The following CMIP variants were observed in gnomAD, a reference collection of about 807,000 sequenced individuals.
CMIP encodes C-Maf-inducing protein.
Under a neutral mutation model 97.3 loss-of-function variants are expected in CMIP, and 13 were observed. The ratio of observed to expected loss-of-function variants is 0.13; its 90% CI spans 0.09 to 0.21. CMIP has a LOEUF of 0.21. Among genes scored for constraint, CMIP ranks in the 10% least tolerant of loss-of-function variants. The probability of loss-of-function intolerance (pLI) is 1.00; values close to 1 mark genes in which losing one functional copy is unlikely to be tolerated. For missense variants in CMIP, 847 were observed against 1,024.9 expected, an observed-to-expected ratio of 0.83 and a Z score of 2.37; for synonymous variants, 538 against 436.3, an observed-to-expected ratio of 1.23 and a Z score of -2.91.
intron 1 of CMIP, among the ~76,000 whole-genome samples, chr16:81,551,163 T>C (rs1488704617): frequency 6.8e-6 from 1 of 146,964 alleles, no homozygotes; most frequent in Non-Finnish European, 1.5e-5. Context: ...CCCAGTTCCA[T>C]CACATATGTC....
chr16:81,671,130 C>T (rs2092680017), intron 8 of CMIP, among the ~76,000 whole-genome samples: 1 of 152,164 alleles, frequency 6.6e-6, no homozygotes, highest in Non-Finnish European at 1.5e-5. Flanking sequence ...CCCCCAGACT[C>T]TTCTCATGTT....
In CMIP at chr16:81,709,729, C is replaced by A. The variant is rs1417739996; in HGVS notation, c.2269-17C>A. On this transcript the variant is annotated splice_polypyrimidine_tract_variant and intron_variant, in intron 20 of 20. Transcript: ENST00000537098. Reference sequence around the variant, plus strand: ...GAATGGCCTACACGTGACAAGGACTCTTATTGCCACCCCCAGGCCAAGCTT... The same window carrying A: ...GAATGGCCTACACGTGACAAGGACTATTATTGCCACCCCCAGGCCAAGCTT... The A allele has an allele frequency of 6.2e-7, 1 of 1,613,668 alleles. No homozygotes were observed. The highest frequency in any genetic ancestry group is 8.5e-7 in the Non-Finnish European group (1 of 1,179,776).
chr16:81,689,422 T>G (rs1263966773), intron 10 of CMIP, among the ~76,000 whole-genome samples: 1 of 152,252 alleles, frequency 6.6e-6, no homozygotes, highest in Non-Finnish European at 1.5e-5. Context: ...TGATGAGCAT[T>G]TTTTCATGTG....
intron 3 of CMIP, among the ~76,000 whole-genome samples, chr16:81,626,158 CTG>C (rs2092057912): frequency 6.6e-6 from 1 of 152,352 alleles, no homozygotes; most frequent in Non-Finnish European, 1.5e-5. Flanking sequence ...TGTCCCTCCT[CTG>C]TGGAGAAAGG....
In CMIP at chr16:81,620,944, T is replaced by C; in HGVS notation, c.477+18T>C. 6.2e-7 allele frequency: 1 copy of C among 1,613,796 alleles called. No individual in the cohort carries two copies. Among genetic ancestry groups the C allele is most frequent in the Non-Finnish European group, 8.5e-7 (1 of 1,179,726 alleles). On this transcript the variant is annotated intron_variant, in intron 3 of 20. Transcript: ENST00000537098. ...AATGGAAGGTAAGTACTGACTCGGT[T>C]GCTTGTTTAAAGCGACTCAGGCAGT... is the stretch of plus-strand genomic sequence containing the variant.
chr16:81,450,727 A>C (rs1354560032), intron 1 of CMIP, among the ~76,000 whole-genome samples: 2 of 152,226 alleles, frequency 1.3e-5, no homozygotes, highest in Non-Finnish European at 2.9e-5. Context: ...GTTTAAGAAA[A>C]ATTCCTTGCG....
intron 1 of CMIP, among the ~76,000 whole-genome samples, chr16:81,473,287 C>A (rs1907671535): frequency 6.6e-6 from 1 of 152,270 alleles, no homozygotes; most frequent in Non-Finnish European, 1.5e-5. Flanking sequence ...AATTGCATTC[C>A]TCATGAGGGA....
chr16:81,671,044 G>C (rs1485707109), intron 8 of CMIP, among the ~76,000 whole-genome samples: 1 of 152,182 alleles, frequency 6.6e-6, no homozygotes, highest in African/African-American at 2.4e-5. Context: ...GGCCAGGCTA[G>C]TCTTGAACTC....
chr16:81,702,470 C>A (rs1192202264), intron 16 of CMIP, among the ~76,000 whole-genome samples, 152 bp from the exon 17 acceptor site: 1 of 152,138 alleles, frequency 6.6e-6, no homozygotes, highest in African/African-American at 2.4e-5. Context: ...CAAACCTCAT[C>A]TCCGGGTTTG....
intron 10 of CMIP, among the ~76,000 whole-genome samples, chr16:81,679,649 G>A (rs1374707485): frequency 6.6e-6 from 1 of 151,954 alleles, no homozygotes; most frequent in Non-Finnish European, 1.5e-5. Flanking sequence ...CCGTGGACCC[G>A]GGGCTGCTCT....
intron 1 of CMIP, among the ~76,000 whole-genome samples, chr16:81,536,625 G>C (rs895696183): frequency 6.6e-6 from 1 of 152,114 alleles, no homozygotes; most frequent in Non-Finnish European, 1.5e-5. Flanking sequence ...TGGACACCTG[G>C]TTCATGACCT....
At chr16:81,623,280 G>A (rs1047606508) in intron 3 of CMIP, among the ~76,000 whole-genome samples, 1 of 152,222 alleles carries the variant, frequency 6.6e-6, no homozygotes, top group African/African-American at 2.4e-5. Flanking sequence ...GGATCACTGT[G>A]TTTCTAGCAG....
At chr16:81,473,091 C>CCA (rs1907658218) in intron 1 of CMIP, among the ~76,000 whole-genome samples, 1 of 152,210 alleles carries the variant, frequency 6.6e-6, no homozygotes, top group African/African-American at 2.4e-5. Flanking sequence ...TTCAGCCACA[C>CCA]CACCAGCCTG....
At chr16:81,589,548 G>A (rs2091435151) in intron 1 of CMIP, among the ~76,000 whole-genome samples, 1 of 150,734 alleles carries the variant, frequency 6.6e-6, no homozygotes, top group Non-Finnish European at 1.5e-5. Flanking sequence ...CGCACCCCAT[G>A]GCAGCCAGCC....
intron 4 of CMIP, among the ~76,000 whole-genome samples, chr16:81,653,063 G>A (rs542032341): frequency 3.2e-4 from 48 of 152,278 alleles, no homozygotes; most frequent in African/African-American, 7.5e-4. Flanking sequence ...AAGGCGCTTC[G>A]GAAATGTGCT....
At chr16:81,628,340 A>G (rs1323672606) in intron 3 of CMIP, among the ~76,000 whole-genome samples, 2 of 152,184 alleles carry the variant, frequency 1.3e-5, no homozygotes, top group African/African-American at 4.8e-5. Flanking sequence ...GTCGTCATCC[A>G]GCCCAAGCCG....
At chr16:81,595,046 C>G (rs1016927552) in intron 1 of CMIP, among the ~76,000 whole-genome samples, 1 of 151,922 alleles carries the variant, frequency 6.6e-6, no homozygotes, top group Admixed American at 6.6e-5. Flanking sequence ...CTCTCTCTCT[C>G]TCTCTCTCTC....
At chr16:81,596,299 A>T (rs2091555058) in intron 1 of CMIP, among the ~76,000 whole-genome samples, 1 of 152,096 alleles carries the variant, frequency 6.6e-6, no homozygotes, top group African/African-American at 2.4e-5. Context: ...TGAGGTCAGG[A>T]GTTCAAGACC....
rs1040307354 is a variant in CMIP, at chr16:81,670,626, G to T, written c.929+381G>T. 1.8e-3 allele frequency among the ~76,000 whole-genome samples: 270 copies of T among 148,628 alleles called. 3 individuals carry two copies. The highest frequency in any genetic ancestry group is 2.9e-3 in the African/African-American group (117 of 40,518). Reference sequence around the variant, plus strand: ...TGGTGTTTTGGGTTTTTTTTGGGGGGGGGGGGGGTGGTTGCTTTTGCTTTG... The same window carrying T: ...TGGTGTTTTGGGTTTTTTTTGGGGGTGGGGGGGGTGGTTGCTTTTGCTTTG... On this transcript the variant is annotated intron_variant, in intron 8 of 20. Transcript: ENST00000537098.
Sources: allele counts gnomAD v4.1 joint callset (sites outside exome capture counted in the v4.1 genomes callset), GRCh38; gene constraint gnomAD v4.1.1; transcripts MANE v1.5; gene names NCBI Gene and HGNC (gene_info 2026-07-23, HGNC 2026-07-21).